The following CD109 variants were observed in gnomAD, a reference collection of about 807,000 sequenced individuals.
CD109 encodes CD109 molecule.
CD109 carries 149 observed loss-of-function variants against 165.8 expected under a neutral mutation model. The ratio of observed to expected loss-of-function variants is 0.90; its 90% CI spans 0.79 to 1.03. CD109 has a LOEUF of 1.03. Among genes scored for constraint, CD109 ranks in the 50% least tolerant of loss-of-function variants. The probability of loss-of-function intolerance (pLI) is 0.00; values close to 1 mark genes in which losing one functional copy is unlikely to be tolerated. For synonymous variants in CD109, 585 were observed against 592.1 expected, an observed-to-expected ratio of 0.99 and a Z score of 0.18; for missense variants, 1,712 against 1,677.8, an observed-to-expected ratio of 1.02 and a Z score of -0.36.
At chr6:73,684,288 T>G in the CD109 span, among the ~76,000 whole-genome samples, 1 of 151,584 alleles carries the variant, frequency 6.6e-6, no homozygotes, top group Non-Finnish European at 1.5e-5. Flanking sequence ...GATGCAGTCT[T>G]GGCTCATTGC....
intron 22 of CD109, among the ~76,000 whole-genome samples, chr6:73,789,602 C>T (rs561226510): frequency 2.0e-5 from 3 of 148,788 alleles, no homozygotes; most frequent in South Asian, 2.1e-4. Context: ...TACAGGCACC[C>T]GCCACCATGC....
intron 14 of CD109, among the ~76,000 whole-genome samples, chr6:73,770,783 G>T (rs1319842234): frequency 1.3e-5 from 2 of 152,140 alleles, no homozygotes; most frequent in Non-Finnish European, 2.9e-5. Flanking sequence ...GTAGGCAGGG[G>T]CCTCATGACA....
intron 3 of CD109, among the ~76,000 whole-genome samples, chr6:73,726,329 A>G (rs552208171): frequency 4.6e-5 from 7 of 152,356 alleles, no homozygotes; most frequent in Non-Finnish European, 8.8e-5. Flanking sequence ...TTGAGACAAT[A>G]TAAATATTGT....
At chr6:73,731,234 C>T (rs867255793) in intron 4 of CD109, among the ~76,000 whole-genome samples, 10 of 152,216 alleles carry the variant, frequency 6.6e-5, no homozygotes, top group Admixed American at 1.3e-4. Context: ...TTAGTAGAGA[C>T]GGGGTTTCAC....
chr6:73,788,732 T>A, intron 22 of CD109, 120 bp downstream of exon 22: 1 of 824,596 alleles, frequency 1.2e-6, no homozygotes. Flanking sequence ...CAAAAGTTTT[T>A]AATTGGGCCC....
At chr6:73,770,281 T>C (rs1322709343) in intron 14 of CD109, among the ~76,000 whole-genome samples, 1 of 152,230 alleles carries the variant, frequency 6.6e-6, no homozygotes, top group African/African-American at 2.4e-5. Context: ...TATAATTGCA[T>C]GTTTTCTAAA....
chr6:73,709,980 A>G (rs1771461586), intron 2 of CD109, among the ~76,000 whole-genome samples: 1 of 152,230 alleles, frequency 6.6e-6, no homozygotes, highest in Non-Finnish European at 1.5e-5. Context: ...CCCACAGCCA[A>G]TATCATACTG....
At chr6:73,726,569 G>A (rs1772150101) in intron 3 of CD109, among the ~76,000 whole-genome samples, 1 of 152,194 alleles carries the variant, frequency 6.6e-6, no homozygotes, top group African/African-American at 2.4e-5. Context: ...TGTTGTCTCA[G>A]TTTCCTTACA....
intron 5 of CD109, among the ~76,000 whole-genome samples, chr6:73,749,830 G>A (rs561829896): frequency 2.0e-5 from 3 of 152,156 alleles, no homozygotes; most frequent in Non-Finnish European, 4.4e-5. Flanking sequence ...TCATCAGTAT[G>A]TGTTGTCTTC....
rs1776072700 is a variant in CD109 at position 73,820,529 on chromosome 6, T to C, written c.4128T>C (p.Asp1376=). 1 of 1,611,152 alleles carries C rather than the reference T, an allele frequency of 6.2e-7. No individual in the cohort carries two copies. Among genetic ancestry groups the C allele is most frequent in the East Asian group, 2.2e-5 (1 of 44,824 alleles). ...ACTTTAAAGTTTCAAATACCCAAGA[T>C]GCTTCAGTGTCCATAGTGGATTACT... ...VRNFKVSNTQ[D]ASVSIVDYYE... Residue 1376 remains aspartate, a synonymous_variant, in exon 32 of 33, where the codon GAT becomes GAC. Transcript: ENST00000287097.
chr6:73,719,438 C>A (rs891567435), intron 2 of CD109, among the ~76,000 whole-genome samples: 1 of 152,148 alleles, frequency 6.6e-6, no homozygotes, highest in Non-Finnish European at 1.5e-5. Flanking sequence ...ACGATTCCTT[C>A]TACATTTATT....
chr6:73,736,619 C>A, intron 5 of CD109, 111 bp downstream of exon 5: 1 of 869,968 alleles, frequency 1.1e-6, no homozygotes, highest in Non-Finnish European at 1.7e-6. Flanking sequence ...TTAATGTGAA[C>A]ATTTAGACAA....
At chr6:73,798,225 C>T (rs1000799541) in intron 23 of CD109, among the ~76,000 whole-genome samples, 1 of 151,970 alleles carries the variant, frequency 6.6e-6, no homozygotes, top group Non-Finnish European at 1.5e-5. Flanking sequence ...AGCGATTCTC[C>T]TGCTTCAGCC....
intron 5 of CD109, among the ~76,000 whole-genome samples, chr6:73,747,939 A>G (rs958345081): frequency 8.0e-5 from 12 of 149,956 alleles, no homozygotes; most frequent in Non-Finnish European, 1.8e-4. Context: ...AGGCAATCTC[A>G]GCTCACTGCA....
chr6:73,744,472 G>A (rs969079812), intron 5 of CD109, among the ~76,000 whole-genome samples: 5 of 152,124 alleles, frequency 3.3e-5, no homozygotes, highest in African/African-American at 1.2e-4. Context: ...TGATGAACCT[G>A]TGAGCTAATG....
At chr6:73,818,319 G>T (rs1431944773) in intron 30 of CD109, 69 bp from the exon 31 acceptor site, 3 of 1,523,178 alleles carry the variant, frequency 2.0e-6, no homozygotes. Context: ...ATTTTTGTAT[G>T]AAGATAATTT....
intron 23 of CD109, 80 bp downstream of exon 23, chr6:73,792,882 C>T: frequency 9.5e-7 from 1 of 1,058,086 alleles, no homozygotes; most frequent in Non-Finnish European, 1.3e-6. Context: ...GACCATATTT[C>T]AAAATAGATG....
intron 5 of CD109, among the ~76,000 whole-genome samples, chr6:73,746,678 G>A (rs1226538599): frequency 6.6e-6 from 1 of 151,934 alleles, no homozygotes; most frequent in Non-Finnish European, 1.5e-5. Flanking sequence ...TGTTTTAGGA[G>A]TATGAATGTG....
At chr6:73,797,876 A>G (rs1426829680) in intron 23 of CD109, among the ~76,000 whole-genome samples, 1 of 152,126 alleles carries the variant, frequency 6.6e-6, no homozygotes, top group East Asian at 1.9e-4. Context: ...CTGCATTTCA[A>G]TTTTCAGAAG....
Sources: allele counts gnomAD v4.1 joint callset (sites outside exome capture counted in the v4.1 genomes callset), GRCh38; gene constraint gnomAD v4.1.1; transcripts MANE v1.5; gene names NCBI Gene and HGNC (gene_info 2026-07-23, HGNC 2026-07-21).